Variants in TRPM1 observed in about 807,000 individuals in gnomAD.
The protein encoded by TRPM1 is transient receptor potential cation channel subfamily M member 1, also known as TRPM1-203 APA Isoform, Intron 10.
Under a neutral mutation model 149.4 loss-of-function variants are expected in TRPM1, and 113 were observed. The observed-to-expected ratio is 0.76, with a 90% CI of 0.65 to 0.88. The LOEUF (loss-of-function observed/expected upper bound fraction) is 0.88, where lower values mean the gene tolerates loss of function less well. Among genes scored for constraint, TRPM1 ranks in the 40% least tolerant of loss-of-function variants. TRPM1 has a pLI of 0.00. For synonymous variants in TRPM1, 741 were observed against 759.5 expected (o/e 0.98, Z 0.40); for missense variants, 1,976 against 2,038.7 (o/e 0.97, Z 0.59).
At chr15:31,157,859 G>A (rs2036397483) in intron 1 of TRPM1, among the ~76,000 whole-genome samples, 1 of 152,162 alleles carries the variant, frequency 6.6e-6, no homozygotes. Flanking sequence ...TGGAAGACTC[G>A]TACATAGTGC....
At chr15:31,090,965 T>C (rs565638137) in intron 1 of TRPM1, among the ~76,000 whole-genome samples, 2 of 152,352 alleles carry the variant, frequency 1.3e-5, no homozygotes, top group South Asian at 2.1e-4. Context: ...TTAAGTGTGA[T>C]TAAGTGTGTA....
At chr15:31,085,127 A>C (rs941739304) in intron 1 of TRPM1, among the ~76,000 whole-genome samples, 1 of 152,076 alleles carries the variant, frequency 6.6e-6, no homozygotes, top group Non-Finnish European at 1.5e-5. Context: ...TTGTGTTTTT[A>C]ATTTTCTAAA....
At chr15:31,089,180 G>A (rs1347858477) in intron 1 of TRPM1, among the ~76,000 whole-genome samples, 1 of 152,168 alleles carries the variant, frequency 6.6e-6, no homozygotes, top group Non-Finnish European at 1.5e-5. Flanking sequence ...GCATTATTGT[G>A]CAACAGGAGT....
intron 11 of TRPM1, among the ~76,000 whole-genome samples, chr15:31,051,131 C>T (rs552939578): frequency 3.3e-5 from 5 of 152,092 alleles, no homozygotes; most frequent in South Asian, 4.1e-4. Flanking sequence ...GCATGCAATG[C>T]GGTGACAGAC....
At chr15:31,027,254 A>ATTATCCAATCTTTTGGT in intron 25 of TRPM1, 137 bp from the exon 26 acceptor site, 2 of 763,978 alleles carry the variant, frequency 2.6e-6, no homozygotes. Flanking sequence ...TGATTCCTTG[A>ATTATCCAATCTTTTGGT]TTATCCAATC....
rs555278445 is a variant in TRPM1, at chr15:31,013,401, C to A, written c.3630-10331G>T. ...TAATTTCCACCTCTTTATTGATAGTCCCTTATTTGGTGAAAAATCCTTCTC... is the reference window on the plus strand; with the variant it reads ...TAATTTCCACCTCTTTATTGATAGTACCTTATTTGGTGAAAAATCCTTCTC... On this transcript the variant is annotated intron_variant, in intron 27 of 27. Transcript: ENST00000256552. Among the ~76,000 whole-genome samples, 3 of 151,984 alleles carry A rather than the reference C, an allele frequency of 2.0e-5. No homozygotes were observed. The South Asian group carries it at 6.2e-4, about 32-fold the overall frequency.
At chr15:31,069,805 T>C in intron 4 of TRPM1, 2 of 1,480,862 alleles carry the variant, frequency 1.4e-6, no homozygotes, top group East Asian at 4.7e-5. Context: ...AGAGCTTTGG[T>C]ATGGATTTAC....
chr15:31,157,160 G>A (rs777921511), intron 1 of TRPM1, among the ~76,000 whole-genome samples: 77 of 152,222 alleles, frequency 5.1e-4, no homozygotes, highest in Non-Finnish European at 4.6e-4. Context: ...CAATCTGCCC[G>A]CTTTGGCCTC....
chr15:31,143,738 GT>G (rs576415034), intron 1 of TRPM1, among the ~76,000 whole-genome samples: 2,972 of 145,998 alleles, frequency 0.02, 36 homozygotes, highest in Non-Finnish European at 0.025. Flanking sequence ...AGGAAAGTAA[GT>G]TTTTTTTTTT....
intron 1 of TRPM1, among the ~76,000 whole-genome samples, chr15:31,130,560 G>C (rs566677811): frequency 6.6e-6 from 1 of 152,236 alleles, no homozygotes; most frequent in African/African-American, 2.4e-5. Context: ...GAGGCTGCAA[G>C]ATTCCAAACC....
intron 3 of TRPM1, among the ~76,000 whole-genome samples, chr15:31,075,461 T>G (rs2034664023): frequency 6.6e-6 from 1 of 152,246 alleles, no homozygotes; most frequent in African/African-American, 2.4e-5. Flanking sequence ...CTTTAAAGTA[T>G]GTTTTGTCTG....
chr15:31,089,398 C>T (rs1443138780), intron 1 of TRPM1, among the ~76,000 whole-genome samples: 5 of 152,210 alleles, frequency 3.3e-5, no homozygotes, highest in African/African-American at 7.2e-5. Context: ...GTTGTTTCTT[C>T]CCTACAGAGT....
chr15:31,096,527 C>T (rs2035389148), intron 1 of TRPM1, among the ~76,000 whole-genome samples: 1 of 152,174 alleles, frequency 6.6e-6, no homozygotes, highest in Admixed American at 6.5e-5. Flanking sequence ...CTTTGGCCAA[C>T]ATCACCTGGC....
intron 1 of TRPM1, among the ~76,000 whole-genome samples, chr15:31,085,099 A>C (rs2034965588): frequency 6.6e-6 from 1 of 151,952 alleles, no homozygotes. Context: ...TTTTTCTTTA[A>C]TTTCTTCATT....
At position 31,066,186 on chromosome 15, in the gene TRPM1, G is replaced by A; in HGVS notation, c.680C>T (p.Ser227Phe). The change falls in exon 7 of 28, where the codon TCC becomes TTC. Residue 227 changes from serine to phenylalanine, a missense_variant. Ser to Phe is a radical substitution (Grantham distance 155). Transcript: ENST00000256552. ...GTCAGCCAGGATGAAGTGGGTGTGG[G>A]AGTTGTTGAGCACAGAGAGCTTACT... is the stretch of plus-strand genomic sequence containing the variant. ...PLSKLSVLNN[S>F]HTHFILADNG... 2 of 1,614,184 alleles carry A rather than the reference G, an allele frequency of 1.2e-6. No individual in the cohort carries two copies. Among genetic ancestry groups the A allele is most frequent in the Non-Finnish European group, 1.7e-6 (2 of 1,180,040 alleles).
Position 31,024,649 on chromosome 15 carries a change from A to G in TRPM1, c.3629+1490T>C, listed in dbSNP as rs79563288. Reference sequence around the variant, plus strand: ...TTGGTCCAAGAATGGTAAAAATCCAAGGAATGCCGGGGAAGGGAGAGGGGG... The same window carrying G: ...TTGGTCCAAGAATGGTAAAAATCCAGGGAATGCCGGGGAAGGGAGAGGGGG... On this transcript the variant is annotated intron_variant, in intron 27 of 27. Transcript: ENST00000256552. Among the ~76,000 whole-genome samples the G allele has an allele frequency of 8.0e-3, 1,222 of 152,342 alleles. 29 individuals carry two copies. The highest frequency in any genetic ancestry group is 0.066 in the East Asian group (345 of 5,190).
At chr15:31,113,878 C>A (rs2035759067) in intron 1 of TRPM1, among the ~76,000 whole-genome samples, 1 of 152,308 alleles carries the variant, frequency 6.6e-6, no homozygotes, top group East Asian at 1.9e-4. Flanking sequence ...GGGTACCGAG[C>A]AAATTGACTT....
chr15:31,095,815 G>A lies in TRPM1; in HGVS notation c.-84+5842C>T, dbSNP rs1365992795. Among the ~76,000 whole-genome samples, 3 of 151,758 alleles carry A rather than the reference G, an allele frequency of 2.0e-5. No homozygotes were observed. In the South Asian group the frequency reaches 6.2e-4, roughly 32 times the overall value. ...TCCCAGCACTTTGGGAGGCCAAGGT[G>A]GGTGGATCTCTGGAGGTCAGGAGTT... On this transcript the variant is annotated intron_variant, in intron 1 of 27. Transcript: ENST00000256552.
intron 1 of TRPM1, among the ~76,000 whole-genome samples, chr15:31,117,071 T>A (rs774883337): frequency 6.6e-6 from 1 of 152,184 alleles, no homozygotes; most frequent in Non-Finnish European, 1.5e-5. Context: ...GGGTTCTGGC[T>A]GGGTGCGGTG....
Sources: gnomAD v4.1 joint callset for allele counts (sites outside exome capture counted in the v4.1 genomes callset) on GRCh38, gnomAD v4.1.1 for gene constraint, MANE v1.5 for transcripts, NCBI Gene and HGNC (gene_info 2026-07-23, HGNC 2026-07-21) for gene names.